The following ARHGAP17 variants were observed in gnomAD, a reference collection of about 807,000 sequenced individuals.
ARHGAP17 encodes the protein rho GTPase-activating protein 17.
In ARHGAP17, 57 loss-of-function variants were observed where a neutral mutation model predicts 99.5. The ratio of observed to expected loss-of-function variants is 0.57; its 90% confidence interval spans 0.46 to 0.71. ARHGAP17 has a LOEUF of 0.71. Ranked by LOEUF, ARHGAP17 falls within the 30% of genes least tolerant of loss-of-function variation. The probability of loss-of-function intolerance (pLI) is 0.00; values close to 1 mark genes in which losing one functional copy is unlikely to be tolerated. For synonymous variants in ARHGAP17, 417 were observed against 429.6 expected, an observed-to-expected ratio of 0.97 and a Z score of 0.36; for missense variants, 1,000 against 1,122.4, an observed-to-expected ratio of 0.89 and a Z score of 1.56.
intron 1 of ARHGAP17, among the ~76,000 whole-genome samples, chr16:25,007,498 T>C (rs572003548): frequency 6.6e-6 from 1 of 152,254 alleles, no homozygotes; most frequent in East Asian, 1.9e-4. Flanking sequence ...CCCAAGTAGC[T>C]GGGGACTACA....
chr16:24,977,704 GGT>G (rs148578980), intron 2 of ARHGAP17, among the ~76,000 whole-genome samples: 2 of 151,674 alleles, frequency 1.3e-5, no homozygotes, highest in Non-Finnish European at 2.9e-5. Context: ...TTGGGTTTGG[GGT>G]GTGTGTGTGT....
chr16:24,922,170 T>A (rs891995685), intron 19 of ARHGAP17, among the ~76,000 whole-genome samples: 13 of 152,212 alleles, frequency 8.5e-5, no homozygotes, highest in African/African-American at 2.9e-4. Context: ...TTCCCCATTA[T>A]CTTGGCCCCC....
intron 1 of ARHGAP17, among the ~76,000 whole-genome samples, chr16:24,991,772 C>A (rs559886207): frequency 1.3e-5 from 2 of 152,294 alleles, no homozygotes; most frequent in African/African-American, 4.8e-5. Flanking sequence ...CAAGTATAAA[C>A]CATCCATCCG....
intron 2 of ARHGAP17, 56 bp downstream of exon 2, chr16:24,978,910 A>C (rs553776133): frequency 1.5e-6 from 2 of 1,303,298 alleles, no homozygotes; most frequent in Non-Finnish European, 2.1e-6. Flanking sequence ...ATTCTCACAT[A>C]GGAATTTTTT....
intron 19 of ARHGAP17, chr16:24,927,748 A>C (rs1345120937): frequency 9.1e-7 from 1 of 1,102,802 alleles, no homozygotes; most frequent in Admixed American, 2.9e-5. Context: ...TTATTTAATA[A>C]AATGTTTAAA....
chr16:24,970,689 G>A, intron 3 of ARHGAP17, 109 bp from the exon 4 acceptor site: 1 of 960,984 alleles, frequency 1.0e-6, no homozygotes, highest in Non-Finnish European at 1.7e-6. Context: ...AATTACACAG[G>A]TAGGAGACAG....
chr16:24,947,455 C>A, intron 14 of ARHGAP17, 27 bp downstream of exon 14: 1 of 1,582,128 alleles, frequency 6.3e-7, no homozygotes, highest in South Asian at 1.1e-5. Flanking sequence ...AGAAGAAATT[C>A]AAATGATACA....
intron 1 of ARHGAP17, among the ~76,000 whole-genome samples, chr16:25,007,387 A>G (rs147934760): frequency 6.6e-6 from 1 of 152,334 alleles, no homozygotes; most frequent in African/African-American, 2.4e-5. Flanking sequence ...TTATTTAGAG[A>G]CAGGGTCTCA....
intron 1 of ARHGAP17, among the ~76,000 whole-genome samples, chr16:25,001,852 GGTAGGAGGATCA>G: frequency 2.0e-5 from 3 of 152,202 alleles, no homozygotes; most frequent in Admixed American, 6.5e-5. Context: ...GGGAGACCAA[GGTAGGAGGATCA>G]CCTGAGGTCA....
Position 24,935,595 on chromosome 16 carries a change from G to T in ARHGAP17, c.1769C>A (p.Pro590Gln). ...TGCTATCTGACTGTTGTTTCTCCCTGGTGCTGGCACAGCTGCAGATACAGG... is the reference window on the plus strand; with the variant it reads ...TGCTATCTGACTGTTGTTTCTCCCTTGTGCTGGCACAGCTGCAGATACAGG... Reference protein sequence around the residue: ...KDPVSAAVPAPGRNNSQIASG... With the variant: ...KDPVSAAVPAQGRNNSQIASG... The change falls in exon 18 of 20, where the codon CCA (proline) becomes CAA (glutamine). Residue 590 changes from proline (P) to glutamine (Q), a missense_variant. Coordinates refer to ENST00000289968, the MANE Select transcript of ARHGAP17 (RefSeq NM_001006634.3). 6.2e-7 allele frequency: 1 copy of T among 1,614,142 alleles called. No individual in the cohort carries two copies. Among genetic ancestry groups the T allele is most frequent in the Non-Finnish European group, 8.5e-7 (1 of 1,180,042 alleles).
Position 24,919,836 on chromosome 16 carries a change from C to T in ARHGAP17, c.*294G>A. Reference sequence around the variant, plus strand: ...AGCAGGGACAAAAGCTTCCTATGCGCGTTTCAGCAGGAATACTCTCTCCAC... The same window carrying T: ...AGCAGGGACAAAAGCTTCCTATGCGTGTTTCAGCAGGAATACTCTCTCCAC... On this transcript the variant is annotated 3_prime_UTR_variant, in exon 20 of 20. Transcript: ENST00000289968. The T allele has an allele frequency of 8.1e-6, 2 of 248,116 alleles. No individual in the cohort carries two copies. The highest frequency in any genetic ancestry group is 2.1e-4 in the South Asian group (2 of 9,658). The allele number at this position is 248,116 out of a possible 1,614,324, so 15.4% of individuals were successfully genotyped here.
intron 17 of ARHGAP17, among the ~76,000 whole-genome samples, chr16:24,937,057 T>C (rs2051159740): frequency 1.3e-5 from 2 of 150,272 alleles, no homozygotes; most frequent in South Asian, 2.1e-4. Flanking sequence ...TAAAAGGCTG[T>C]AGTGAGCCAT....
Position 24,919,607 on chromosome 16 carries a change from G to A in ARHGAP17, c.*523C>T, listed in dbSNP as rs983527044. On this transcript the variant is annotated 3_prime_UTR_variant, in exon 20 of 20. Transcript: ENST00000289968. ...CCATCCATGGGCATGGTTCTGAGGG[G>A]ACTGGGGAGACACAGACCATACATG... 1 of 152,640 alleles carries A rather than the reference G, an allele frequency of 6.6e-6. No homozygotes were observed. The highest frequency in any genetic ancestry group is 2.4e-5 in the African/African-American group (1 of 41,440). The allele number at this position is 152,640 out of a possible 1,614,324, so 9.5% of individuals were successfully genotyped here. A position where few individuals can be genotyped will look rare whatever the true frequency, so the allele number is the denominator to read the frequency against.
intron 16 of ARHGAP17, among the ~76,000 whole-genome samples, chr16:24,941,326 AT>A (rs2051306052): frequency 6.6e-6 from 1 of 152,204 alleles, no homozygotes; most frequent in African/African-American, 2.4e-5. Flanking sequence ...GTACAGTGGC[AT>A]TTCATCACAC....
At chr16:24,921,740 T>C (rs1051376710) in intron 19 of ARHGAP17, among the ~76,000 whole-genome samples, 1 of 152,180 alleles carries the variant, frequency 6.6e-6, no homozygotes, top group Non-Finnish European at 1.5e-5. Context: ...TCTAGATTTA[T>C]GGAGGTGCCA....
intron 1 of ARHGAP17, among the ~76,000 whole-genome samples, chr16:25,009,561 G>A (rs1250238869): frequency 2.0e-5 from 3 of 152,200 alleles, no homozygotes; most frequent in Non-Finnish European, 4.4e-5. Context: ...GCAGGGGACT[G>A]TTCTGGGATC....
chr16:24,965,848 A>G (rs768369701), intron 6 of ARHGAP17, among the ~76,000 whole-genome samples: 1 of 152,270 alleles, frequency 6.6e-6, no homozygotes, highest in Non-Finnish European at 1.5e-5. Context: ...TGTGCACAGC[A>G]TATGATGTCT....
intron 19 of ARHGAP17, chr16:24,929,723 T>C (rs2050932568): frequency 1.1e-6 from 1 of 918,988 alleles, no homozygotes; most frequent in Non-Finnish European, 1.3e-6. Context: ...AAAGCTCTGA[T>C]GGCATCAGAA....
rs572517579 is a variant in ARHGAP17 at position 24,919,837 on chromosome 16, G to T, written c.*293C>A. ...GCAGGGACAAAAGCTTCCTATGCGCGTTTCAGCAGGAATACTCTCTCCACT... is the reference window on the plus strand; with the variant it reads ...GCAGGGACAAAAGCTTCCTATGCGCTTTTCAGCAGGAATACTCTCTCCACT... On this transcript the variant is annotated 3_prime_UTR_variant, in exon 20 of 20. Transcript: ENST00000289968. 4.0e-6 allele frequency: 1 copy of T among 249,908 alleles called. No individual in the cohort carries two copies. The highest frequency in any genetic ancestry group is 7.6e-6 in the Non-Finnish European group (1 of 130,764). The allele number at this position is 249,908 out of a possible 1,614,324, so 15.5% of individuals were successfully genotyped here. A position where few individuals can be genotyped will look rare whatever the true frequency, so the allele number is the denominator to read the frequency against.
Sources: gnomAD v4.1 joint callset for allele counts (sites outside exome capture counted in the v4.1 genomes callset) on GRCh38, gnomAD v4.1.1 for gene constraint, MANE v1.5 for transcripts, NCBI Gene and HGNC (gene_info 2026-07-23, HGNC 2026-07-21) for gene names.